The following STAG1 variants were observed in gnomAD, a reference collection of about 807,000 sequenced individuals.
STAG1 encodes STAG1 cohesin complex component, also known as cohesin subunit SA-1.
STAG1 carries 26 observed loss-of-function variants against 170.9 expected under a neutral mutation model. That is an observed-to-expected ratio of 0.15 (90% CI 0.11 to 0.21). STAG1 has a LOEUF of 0.21. Among genes scored for constraint, STAG1 ranks in the 10% least tolerant of loss-of-function variants. The pLI is 1.00. For missense variants in STAG1, 964 were observed against 1,509.5 expected, an observed-to-expected ratio of 0.64 and a Z score of 5.99; for synonymous variants, 514 against 497.7, an observed-to-expected ratio of 1.03 and a Z score of -0.44.
chr3:136,431,874 T>C (rs1369552816), intron 16 of STAG1, among the ~76,000 whole-genome samples: 1 of 152,242 alleles, frequency 6.6e-6, no homozygotes, highest in Non-Finnish European at 1.5e-5. Context: ...TGTGACTATG[T>C]TGTGTCTATA....
At chr3:136,741,088 A>G (rs1348855444) in intron 1 of STAG1, among the ~76,000 whole-genome samples, 1 of 152,248 alleles carries the variant, frequency 6.6e-6, no homozygotes, top group Non-Finnish European at 1.5e-5. Flanking sequence ...GGATAGTTAT[A>G]TAGTGAAGGG....
intron 12 of STAG1, among the ~76,000 whole-genome samples, chr3:136,467,396 C>T (rs1185461053): frequency 1.3e-5 from 2 of 151,906 alleles, no homozygotes; most frequent in East Asian, 1.9e-4. Flanking sequence ...CCAACAAAGA[C>T]AGAAAGAGAC....
chr3:136,382,932 T>C (rs1273579133), intron 22 of STAG1, among the ~76,000 whole-genome samples: 1 of 152,218 alleles, frequency 6.6e-6, no homozygotes, highest in Non-Finnish European at 1.5e-5. Flanking sequence ...GTTAATCTCT[T>C]ATAGTAAATC....
At chr3:136,460,185 A>G (rs1245825493) in intron 13 of STAG1, among the ~76,000 whole-genome samples, 1 of 152,216 alleles carries the variant, frequency 6.6e-6, no homozygotes, top group Admixed American at 6.5e-5. Context: ...TACAATGGTT[A>G]CAAGAGAAAT....
At chr3:136,696,745 C>T (rs1447251240) in intron 1 of STAG1, among the ~76,000 whole-genome samples, 1 of 152,076 alleles carries the variant, frequency 6.6e-6, no homozygotes, top group Non-Finnish European at 1.5e-5. Context: ...ATCTCAAATG[C>T]ACTGTGCTTA....
intron 4 of STAG1, among the ~76,000 whole-genome samples, chr3:136,587,831 G>A (rs774641464): frequency 2.1e-4 from 32 of 151,678 alleles, no homozygotes; most frequent in Non-Finnish European, 4.1e-4. Context: ...TAAGCCAGGC[G>A]GGTCCCTGTA....
intron 9 of STAG1, among the ~76,000 whole-genome samples, chr3:136,485,539 ATTTCTTT>A (rs1363923583): frequency 1.3e-5 from 2 of 152,172 alleles, no homozygotes; most frequent in African/African-American, 2.4e-5. Flanking sequence ...GGACAAGAAT[ATTTCTTT>A]TTTCAGACAA....
At chr3:136,605,690 C>A (rs546236316) in intron 3 of STAG1, among the ~76,000 whole-genome samples, 1 of 152,286 alleles carries the variant, frequency 6.6e-6, no homozygotes. Context: ...AATTTATGGT[C>A]TCTCATCTCC....
chr3:136,674,177 G>GGGAGGGAGAGAGGGAGGGAGGGAGGGAA (rs1942064777), intron 1 of STAG1, among the ~76,000 whole-genome samples: 1 of 26,672 alleles, frequency 3.7e-5, no homozygotes, highest in Non-Finnish European at 6.7e-5. Context: ...GAGGGAAGGA[G>GGGAGGGAGAGAGGGAGGGAGGGAGGGAA]GGAGGGAGGG....
In STAG1 at chr3:136,746,304, T is replaced by C. The variant is rs1012259663; in HGVS notation, c.-84+5891A>G. 4.6e-5 allele frequency among the ~76,000 whole-genome samples: 7 copies of C among 152,266 alleles called. No homozygotes were observed. In the East Asian group the frequency reaches 1.2e-3, roughly 25 times the overall value. ...TATCATTTCTGTGTTAAAATATATC[T>C]CCCTAGCAATTTTAATTCCCAGTTA... On this transcript the variant is annotated intron_variant, in intron 1 of 33. Transcript: ENST00000383202.
intron 16 of STAG1, among the ~76,000 whole-genome samples, chr3:136,432,607 A>G (rs1380215247): frequency 1.3e-5 from 2 of 151,702 alleles, no homozygotes; most frequent in East Asian, 3.9e-4. Flanking sequence ...TCTGGGTTCA[A>G]GTGATTCTCC....
chr3:136,694,198 T>G (rs1252883479), intron 1 of STAG1, among the ~76,000 whole-genome samples: 1 of 152,186 alleles, frequency 6.6e-6, no homozygotes, highest in African/African-American at 2.4e-5. Context: ...CTTTGCAAGT[T>G]GATACTTATC....
intron 9 of STAG1, among the ~76,000 whole-genome samples, chr3:136,494,799 A>AG (rs773639244): frequency 2.6e-5 from 4 of 152,246 alleles, no homozygotes; most frequent in Non-Finnish European, 5.9e-5. Context: ...TATCTACACA[A>AG]AACTTAGTTA....
chr3:136,584,375 G>C (rs1022342617), intron 4 of STAG1, among the ~76,000 whole-genome samples: 1 of 152,148 alleles, frequency 6.6e-6, no homozygotes, highest in Non-Finnish European at 1.5e-5. Context: ...TTACTTTTTA[G>C]GTACTTTATG....
At chr3:136,738,238 C>T (rs114344800) in intron 1 of STAG1, among the ~76,000 whole-genome samples, 1,812 of 152,072 alleles carry the variant, frequency 0.012, 21 homozygotes, top group Non-Finnish European at 0.02. Context: ...GTCCTGTAAT[C>T]CTAGCACTCT....
At chr3:136,520,411 T>C (rs8179993) in intron 7 of STAG1, among the ~76,000 whole-genome samples, 1 of 152,132 alleles carries the variant, frequency 6.6e-6, no homozygotes, top group African/African-American at 2.4e-5. Flanking sequence ...GCAAAGTTAC[T>C]GCTACTAAAA....
intron 22 of STAG1, among the ~76,000 whole-genome samples, chr3:136,379,767 G>A (rs775965977): frequency 1.3e-5 from 2 of 151,872 alleles, no homozygotes; most frequent in Admixed American, 1.3e-4. Context: ...TTGTAGCTGG[G>A]GTATAAATAG....
chr3:136,336,495 A>G lies in STAG1; in HGVS notation c.*1759T>C, dbSNP rs1402310846. ...TCCATACAAGACTGTCACGCAAAGGATCAATTTGTGCATGTGCCAGGGCAC... is the reference window on the plus strand; with the variant it reads ...TCCATACAAGACTGTCACGCAAAGGGTCAATTTGTGCATGTGCCAGGGCAC... On this transcript the variant is annotated 3_prime_UTR_variant, in exon 34 of 34. Transcript: ENST00000383202. The G allele has an allele frequency of 6.6e-6, 1 of 152,226 alleles. No homozygotes were observed. The highest frequency in any genetic ancestry group is 6.5e-5 in the Admixed American group (1 of 15,276). The allele number at this position is 152,226 out of a possible 1,614,324, so 9.4% of individuals were successfully genotyped here. A position where few individuals can be genotyped will look rare whatever the true frequency, so the allele number is the denominator to read the frequency against.
chr3:136,736,950 A>G, intron 1 of STAG1: 1 of 1,597,038 alleles, frequency 6.3e-7, no homozygotes, highest in Non-Finnish European at 8.6e-7. Context: ...CCACAGCCTC[A>G]AAAGCCTTTT....
Sources: allele counts gnomAD v4.1 joint callset (sites outside exome capture counted in the v4.1 genomes callset), GRCh38; gene constraint gnomAD v4.1.1; transcripts MANE v1.5; gene names NCBI Gene and HGNC (gene_info 2026-07-23, HGNC 2026-07-21).